MFSD8: variants seen among roughly 807,000 people sequenced by gnomAD.
The protein encoded by MFSD8 is major facilitator superfamily domain containing 8.
Under a neutral mutation model 66.4 loss-of-function variants are expected in MFSD8, and 55 were observed. That is an observed-to-expected ratio of 0.83 (90% CI 0.67 to 1.04). The LOEUF (loss-of-function observed/expected upper bound fraction) is 1.04, where lower values mean the gene tolerates loss of function less well. Among genes scored for constraint, MFSD8 ranks in the 50% least tolerant of loss-of-function variants. The probability of loss-of-function intolerance (pLI) is 0.00; values close to 1 mark genes in which losing one functional copy is unlikely to be tolerated. For synonymous variants in MFSD8, 202 were observed against 212.8 expected (o/e 0.95, Z 0.44); for missense variants, 550 against 627.6 (o/e 0.88, Z 1.32).
intron 9 of MFSD8, among the ~76,000 whole-genome samples, chr4:127,922,793 G>T (rs1434482965): frequency 6.6e-6 from 1 of 152,164 alleles, no homozygotes; most frequent in Non-Finnish European, 1.5e-5. Context: ...GTGAGGGAAA[G>T]ATTCTCTTCA....
intron 6 of MFSD8, chr4:127,939,617 A>C (rs976853242): frequency 9.5e-6 from 3 of 315,706 alleles, no homozygotes; most frequent in East Asian, 6.6e-5. Flanking sequence ...AAAAAAAAAA[A>C]AAAAAAAAAA....
At chr4:127,927,754 A>T (rs1202756906) in intron 9 of MFSD8, among the ~76,000 whole-genome samples, 2 of 151,890 alleles carry the variant, frequency 1.3e-5, no homozygotes, top group African/African-American at 4.8e-5. Flanking sequence ...TGGTACAATC[A>T]CAGCTCACTG....
intron 6 of MFSD8, 162 bp downstream of exon 6, chr4:127,939,691 G>T: frequency 2.2e-6 from 1 of 457,700 alleles, no homozygotes; most frequent in Middle Eastern, 6.2e-4. Context: ...TCTTTTGGTT[G>T]CCAGTATTAC....
chr4:127,932,981 T>C lies in MFSD8; in HGVS notation c.863+4A>G, dbSNP rs752035164. 17 of 1,605,388 alleles carry C rather than the reference T, an allele frequency of 1.1e-5. No homozygotes were observed. The highest frequency in any genetic ancestry group is 3.3e-5 in the Admixed American group (2 of 59,952). ...GATTCAGATGAAGATGGAATAAAAC[T>C]TACGTTTCAAAAAGGGCAAAGATAA... On this transcript the variant is annotated splice_donor_region_variant and intron_variant, in intron 8 of 11. Coordinates refer to ENST00000641686, the MANE Select transcript of MFSD8 (RefSeq NM_001371596.2).
intron 1 of MFSD8, chr4:127,964,599 G>C (rs768697778): frequency 1.9e-4 from 34 of 179,722 alleles, no homozygotes; most frequent in Non-Finnish European, 3.7e-4. Context: ...GCGCAGCCCC[G>C]GTTCCCGCTC....
intron 1 of MFSD8, among the ~76,000 whole-genome samples, chr4:127,959,763 TTAC>T (rs780997904): frequency 1.8e-4 from 27 of 152,228 alleles, no homozygotes; most frequent in Non-Finnish European, 3.7e-4. Context: ...ATAAAAAGAT[TTAC>T]TTTTTCCTTT....
At chr4:127,953,927 T>C (rs933753047) in intron 2 of MFSD8, among the ~76,000 whole-genome samples, 3 of 152,164 alleles carry the variant, frequency 2.0e-5, no homozygotes, top group African/African-American at 7.2e-5. Flanking sequence ...AACAGGATGA[T>C]TGGGGTAAAT....
At chr4:127,937,458 T>C (rs1739273371) in intron 7 of MFSD8, among the ~76,000 whole-genome samples, 1 of 152,158 alleles carries the variant, frequency 6.6e-6, no homozygotes, top group Admixed American at 6.5e-5. Flanking sequence ...CTCCTACTTA[T>C]CCCTTCTCCA....
chr4:127,923,545 A>T (rs965970610), intron 9 of MFSD8, among the ~76,000 whole-genome samples: 2 of 114,572 alleles, frequency 1.7e-5, no homozygotes, highest in African/African-American at 4.4e-5. Context: ...TTTATTTTTT[A>T]TTTTTATTTA....
At chr4:127,955,168 A>G (rs1215676592) in intron 2 of MFSD8, among the ~76,000 whole-genome samples, 5 of 152,208 alleles carry the variant, frequency 3.3e-5, no homozygotes, top group Non-Finnish European at 7.3e-5. Context: ...TCTTGAAGAG[A>G]TATTTGCACA....
At chr4:127,930,908 C>G in intron 8 of MFSD8, 91 bp from the exon 9 acceptor site, 1 of 1,269,828 alleles carries the variant, frequency 7.9e-7, no homozygotes, top group Non-Finnish European at 1.1e-6. Context: ...GACATCTACA[C>G]ATTCAAGAAT....
chr4:127,938,449 G>A (rs1172538810), intron 7 of MFSD8, among the ~76,000 whole-genome samples: 18 of 151,968 alleles, frequency 1.2e-4, no homozygotes, highest in South Asian at 2.1e-4. Context: ...CAGGCGTGGC[G>A]GCATGCGCCT....
intron 4 of MFSD8, 32 bp downstream of exon 4, chr4:127,943,720 T>C: frequency 6.2e-7 from 1 of 1,613,784 alleles, no homozygotes; most frequent in East Asian, 2.2e-5. Flanking sequence ...AATGTGAATA[T>C]GACACAACCA....
intron 9 of MFSD8, 147 bp downstream of exon 9, chr4:127,930,536 G>C (rs781214450): frequency 6.7e-5 from 60 of 890,044 alleles, no homozygotes; most frequent in Middle Eastern, 3.5e-4. Context: ...GTAATGTATA[G>C]AAATATGATA....
rs374963439 is a variant in MFSD8, at chr4:127,935,810, T to A, written c.755-2717A>T. 2.2e-4 allele frequency among the ~76,000 whole-genome samples: 34 copies of A among 152,284 alleles called. 1 individual carries two copies. The East Asian group carries it at 3.5e-3, about 16-fold the overall frequency. On this transcript the variant is annotated intron_variant, in intron 7 of 11. Coordinates refer to ENST00000641686, the MANE Select transcript of MFSD8 (RefSeq NM_001371596.2). ...ATGTGGCTAGTATGACAGAAAATAA[T>A]TTCTTAAATTTACTTTATTTAAATA...
intron 7 of MFSD8, among the ~76,000 whole-genome samples, chr4:127,935,025 T>C (rs1442037462): frequency 6.6e-6 from 1 of 152,172 alleles, no homozygotes; most frequent in African/African-American, 2.4e-5. Context: ...ATCTCAGGAT[T>C]CTTGAGAAGG....
At chr4:127,935,593 T>C (rs991972455) in intron 7 of MFSD8, among the ~76,000 whole-genome samples, 2 of 152,194 alleles carry the variant, frequency 1.3e-5, no homozygotes, top group South Asian at 4.1e-4. Flanking sequence ...AATTTAAAAA[T>C]TTTATTTTAT....
chr4:127,949,878 T>G, intron 2 of MFSD8, 31 bp from the exon 3 acceptor site: 7 of 1,563,564 alleles, frequency 4.5e-6, no homozygotes, highest in Non-Finnish European at 4.4e-6. Context: ...TTATTTATAC[T>G]TATAATAATT....
intron 7 of MFSD8, among the ~76,000 whole-genome samples, chr4:127,937,113 C>G (rs1739215597): frequency 6.6e-6 from 1 of 152,178 alleles, no homozygotes; most frequent in Non-Finnish European, 1.5e-5. Context: ...CAATCTTTTG[C>G]CACACTTGAA....
Sources: allele counts gnomAD v4.1 joint callset (sites outside exome capture counted in the v4.1 genomes callset), GRCh38; gene constraint gnomAD v4.1.1; transcripts MANE v1.5; gene names NCBI Gene and HGNC (gene_info 2026-07-23, HGNC 2026-07-21).